Variants in CABLES1 observed in about 807,000 individuals in gnomAD.
CABLES1 encodes the protein Cdk5 and Abl enzyme substrate 1.
Under a neutral mutation model 57.8 loss-of-function variants are expected in CABLES1, and 36 were observed. The observed-to-expected ratio is 0.62, with a 90% CI of 0.48 to 0.82. CABLES1 has a LOEUF of 0.82. CABLES1 is among the 40% of genes least tolerant of loss of function. The pLI is 0.00. For missense variants in CABLES1, 767 were observed against 836.6 expected (o/e 0.92, Z 1.03); for synonymous variants, 374 against 363.0 (o/e 1.03, Z -0.35).
intron 1 of CABLES1, among the ~76,000 whole-genome samples, chr18:23,146,402 C>G (rs1442633798): frequency 6.6e-6 from 1 of 152,052 alleles, no homozygotes; most frequent in Non-Finnish European, 1.5e-5. Flanking sequence ...CTCCCGGGTT[C>G]AAGCGATTGG....
intron 1 of CABLES1, among the ~76,000 whole-genome samples, chr18:23,160,069 A>G (rs7505625): frequency 1 from 150,137 of 150,530 alleles, 74,874 homozygotes; most frequent in South Asian, 1. Context: ...ATGGAGTTTC[A>G]CTCTGTCACC....
chr18:23,146,246 A>G (rs1178558662), intron 1 of CABLES1, among the ~76,000 whole-genome samples: 1 of 152,242 alleles, frequency 6.6e-6, no homozygotes, highest in African/African-American at 2.4e-5. Flanking sequence ...TTTTTTGCTT[A>G]AGGACAAAAA....
chr18:23,215,038 T>G (rs544698921), intron 4 of CABLES1, among the ~76,000 whole-genome samples: 1 of 152,338 alleles, frequency 6.6e-6, no homozygotes, highest in African/African-American at 2.4e-5. Context: ...TCTATATTCA[T>G]GGAATCCTGA....
chr18:23,158,788 G>A (rs2046982504), intron 1 of CABLES1, among the ~76,000 whole-genome samples: 1 of 152,194 alleles, frequency 6.6e-6, no homozygotes, highest in Non-Finnish European at 1.5e-5. Flanking sequence ...AAAATGAGAT[G>A]TAAAGAGATG....
chr18:23,148,150 C>T (rs2046905220), intron 1 of CABLES1, among the ~76,000 whole-genome samples: 1 of 151,952 alleles, frequency 6.6e-6, no homozygotes, highest in African/African-American at 2.4e-5. Flanking sequence ...CCACCATGCC[C>T]GGCTAATTTT....
Position 23,136,587 on chromosome 18 carries a change from C to A in CABLES1, c.825C>A (p.Phe275Leu). ...GCCAGGGCGGCAGCACCAGCGCCTTCGAGCAGCTGCAGAGGTCCCGGTGAG... is the reference window on the plus strand; with the variant it reads ...GCCAGGGCGGCAGCACCAGCGCCTTAGAGCAGCTGCAGAGGTCCCGGTGAG... ...QPGQGGSTSA[F>L]EQLQRSRRRL... The change falls in exon 1 of 10, where the codon TTC becomes TTA. Residue 275 changes from phenylalanine (F) to leucine (L), a missense_variant. This residue lies in a region of CABLES1 where 529 missense variants were observed against 622.8 expected (regional missense o/e 0.85). Transcript: ENST00000256925. 1 of 1,489,512 alleles carries A rather than the reference C, an allele frequency of 6.7e-7. No homozygotes were observed. The highest frequency in any genetic ancestry group is 8.9e-7 in the Non-Finnish European group (1 of 1,123,954). 92.3% of individuals were successfully genotyped at this position (1,489,512 alleles called of 1,614,324 possible).
Position 23,257,378 on chromosome 18 carries a change from G to A in CABLES1, c.*11G>A, listed in dbSNP as rs774731979. The A allele has an allele frequency of 8.8e-6, 14 of 1,582,350 alleles. No individual in the cohort carries two copies. The South Asian group carries it at 9.3e-5, about 11-fold the overall frequency. On this transcript the variant is annotated 3_prime_UTR_variant, in exon 10 of 10. Coordinates refer to ENST00000256925, the MANE Select transcript of CABLES1 (RefSeq NM_001100619.3). ...GTCCAGAGTTCCTAGCACTGGCCCC[G>A]AGGACAGCCAAGGGCCATTTCTTCT... is the stretch of plus-strand genomic sequence containing the variant.
intron 1 of CABLES1, among the ~76,000 whole-genome samples, chr18:23,181,011 T>G (rs1205927320): frequency 6.6e-6 from 1 of 152,194 alleles, no homozygotes; most frequent in Non-Finnish European, 1.5e-5. Flanking sequence ...CCTTGAGGCT[T>G]GGTGACTAAG....
intron 4 of CABLES1, among the ~76,000 whole-genome samples, chr18:23,223,477 C>G (rs1437123527): frequency 1.3e-5 from 2 of 150,938 alleles, no homozygotes; most frequent in Non-Finnish European, 2.9e-5. Flanking sequence ...ACTCGGGAGG[C>G]TGAGGCAGGA....
intron 3 of CABLES1, among the ~76,000 whole-genome samples, chr18:23,199,327 T>C (rs1245676756): frequency 1.3e-5 from 2 of 152,242 alleles, no homozygotes; most frequent in Non-Finnish European, 2.9e-5. Flanking sequence ...TTGCTAGTTG[T>C]AATTAATTAC....
intron 7 of CABLES1, among the ~76,000 whole-genome samples, chr18:23,250,791 T>A (rs1440577142): frequency 6.6e-6 from 1 of 152,240 alleles, no homozygotes; most frequent in African/African-American, 2.4e-5. Flanking sequence ...TGGCATTGCA[T>A]CCACCAAGTC....
At position 23,188,879 on chromosome 18, in the gene CABLES1, AAGATATT is replaced by A; in HGVS notation, c.888_894del (p.Asp297ArgfsTer40). On this transcript the variant is annotated frameshift_variant, in exon 2 of 10. Coordinates refer to ENST00000256925, the MANE Select transcript of CABLES1 (RefSeq NM_001100619.3). LOFTEE classifies it high-confidence loss of function. ...CAGAGATCTTCCTTGGAGACCCTGG[AAGATATT>A]GAGGAGAACGCCCCTCTCCGGAGGT... is the stretch of plus-strand genomic sequence containing the variant. The A allele has an allele frequency of 6.2e-7, 1 of 1,613,962 alleles. No homozygotes were observed. Among genetic ancestry groups the A allele is most frequent in the Admixed American group, 1.7e-5 (1 of 60,022 alleles).
chr18:23,141,882 C>T (rs965137129), intron 1 of CABLES1, among the ~76,000 whole-genome samples: 1 of 152,098 alleles, frequency 6.6e-6, no homozygotes, highest in Non-Finnish European at 1.5e-5. Context: ...AGAAAGATAG[C>T]GGTGAGGTGG....
intron 9 of CABLES1, among the ~76,000 whole-genome samples, chr18:23,255,699 A>G (rs1234198188): frequency 6.6e-6 from 1 of 151,676 alleles, no homozygotes; most frequent in East Asian, 1.9e-4. Flanking sequence ...AGCTGGAACT[A>G]CAGGCATGTA....
rs1167906045 is a variant in CABLES1 at position 23,258,162 on chromosome 18, G to T, written c.*795G>T. On this transcript the variant is annotated 3_prime_UTR_variant, in exon 10 of 10. Transcript: ENST00000256925. ...TCAGTCGCGTGGAAGGACGTGGAGCGTGGCGCTCTGTAACTTCCTGCCGTC... is the reference window on the plus strand; with the variant it reads ...TCAGTCGCGTGGAAGGACGTGGAGCTTGGCGCTCTGTAACTTCCTGCCGTC... The T allele has an allele frequency of 6.6e-6, 1 of 152,434 alleles. No homozygotes were observed. The highest frequency in any genetic ancestry group is 1.5e-5 in the Non-Finnish European group (1 of 68,044). 9.4% of individuals were successfully genotyped at this position (152,434 alleles called of 1,614,324 possible). A position where few individuals can be genotyped will look rare whatever the true frequency, so the allele number is the denominator to read the frequency against.
chr18:23,238,841 T>C lies in CABLES1; in HGVS notation c.1446+1596T>C, dbSNP rs573216979. On this transcript the variant is annotated intron_variant, in intron 7 of 9. Transcript: ENST00000256925. ...AGGCTGTTTTCACGTTGCCCAGCTG[T>C]CTCTGAATTCCACATTCCTCAGCAG... Among the ~76,000 whole-genome samples the C allele has an allele frequency of 1.2e-4, 19 of 152,316 alleles. No homozygotes were observed. The East Asian group carries it at 3.7e-3, about 29-fold the overall frequency.
At chr18:23,145,775 CCT>C (rs2046888313) in intron 1 of CABLES1, among the ~76,000 whole-genome samples, 1 of 152,118 alleles carries the variant, frequency 6.6e-6, no homozygotes, top group Non-Finnish European at 1.5e-5. Context: ...TTTGTCTTTT[CCT>C]CTTTGTTTTA....
In CABLES1 at chr18:23,183,975, G is replaced by T. The variant is rs572188448; in HGVS notation, c.846-4863G>T. ...ACCTTGGGAGGATCCAGCAAGGTGT[G>T]GGGGTGGGGCAGAGATGAGCGCTGC... On this transcript the variant is annotated intron_variant, in intron 1 of 9. Coordinates refer to ENST00000256925, the MANE Select transcript of CABLES1 (RefSeq NM_001100619.3). Among the ~76,000 whole-genome samples, 6 of 152,300 alleles carry T rather than the reference G, an allele frequency of 3.9e-5. No individual in the cohort carries two copies. The South Asian group carries it at 1.2e-3, about 32-fold the overall frequency.
intron 3 of CABLES1, among the ~76,000 whole-genome samples, chr18:23,201,975 C>T (rs528176262): frequency 9.0e-4 from 137 of 152,200 alleles, no homozygotes; most frequent in African/African-American, 2.8e-3. Context: ...GTCATGGAGA[C>T]GCTGAGGCGG....
Sources: allele counts gnomAD v4.1 joint callset (sites outside exome capture counted in the v4.1 genomes callset), GRCh38; gene constraint gnomAD v4.1.1; regional missense constraint gnomAD v4.1.1; transcripts MANE v1.5; gene names NCBI Gene and HGNC (gene_info 2026-07-23, HGNC 2026-07-21).